Variants in CDH18 observed in about 807,000 individuals in gnomAD.
CDH18 encodes the protein cadherin-18.
CDH18 carries 31 observed loss-of-function variants against 67.9 expected under a neutral mutation model. The ratio of observed to expected loss-of-function variants is 0.46; its 90% CI spans 0.34 to 0.62. The LOEUF is 0.62. Among genes scored for constraint, CDH18 ranks in the 20% least tolerant of loss-of-function variants. The pLI, the probability that CDH18 is intolerant of heterozygous loss-of-function variation, is 0.01. For synonymous variants in CDH18, 362 were observed against 347.2 expected (o/e 1.04, Z -0.48); for missense variants, 890 against 975.5 (o/e 0.91, Z 1.17).
chr5:19,952,421 G>A (rs1055267506), intron 2 of CDH18, among the ~76,000 whole-genome samples: 1 of 152,154 alleles, frequency 6.6e-6, no homozygotes, highest in Non-Finnish European at 1.5e-5. Context: ...AGGTTAGTGA[G>A]TGTTCCAAGA....
At chr5:19,725,745 G>A (rs1474271587) in intron 4 of CDH18, among the ~76,000 whole-genome samples, 1 of 152,046 alleles carries the variant, frequency 6.6e-6, no homozygotes. Flanking sequence ...CTCCGACTTG[G>A]GCAACAACAA....
At chr5:19,759,796 A>G (rs1194369546) in intron 3 of CDH18, among the ~76,000 whole-genome samples, 3 of 152,100 alleles carry the variant, frequency 2.0e-5, no homozygotes, top group Non-Finnish European at 2.9e-5. Context: ...TCGGAAATGT[A>G]GTGGGGGCCC....
chr5:20,023,614 G>T (rs966094670), intron 2 of CDH18, among the ~76,000 whole-genome samples: 2 of 144,338 alleles, frequency 1.4e-5, no homozygotes, highest in African/African-American at 5.2e-5. Context: ...AGCCGAGATC[G>T]CGCCACTGCA....
intron 3 of CDH18, among the ~76,000 whole-genome samples, chr5:19,819,878 G>A (rs1017615927): frequency 2.6e-5 from 4 of 151,996 alleles, no homozygotes; most frequent in African/African-American, 4.8e-5. Flanking sequence ...GGCCCCTCCC[G>A]AGGTCCCTGC....
At chr5:20,277,718 A>G (rs1263800182) in intron 1 of CDH18, among the ~76,000 whole-genome samples, 1 of 152,194 alleles carries the variant, frequency 6.6e-6, no homozygotes, top group Non-Finnish European at 1.5e-5. Flanking sequence ...GACCTTTCAG[A>G]CAGAGAATTC....
intron 3 of CDH18, among the ~76,000 whole-genome samples, chr5:19,778,277 C>T (rs1774635257): frequency 1.3e-5 from 2 of 152,136 alleles, no homozygotes; most frequent in South Asian, 4.1e-4. Context: ...TCCCCGCAGC[C>T]AATATCTGAA....
intron 2 of CDH18, among the ~76,000 whole-genome samples, chr5:20,219,786 TG>T (rs796980254): frequency 6.6e-6 from 1 of 151,818 alleles, no homozygotes; most frequent in African/African-American, 2.4e-5. Flanking sequence ...CATCCCTTCA[TG>T]ATAAAAAAAT....
At chr5:20,426,528 T>C (rs546250718) in intron 1 of CDH18, among the ~76,000 whole-genome samples, 13 of 151,304 alleles carry the variant, frequency 8.6e-5, no homozygotes, top group Non-Finnish European at 1.3e-4. Flanking sequence ...GCTTTCCACT[T>C]TTTAATCCAC....
At chr5:19,921,958 A>T (rs955759627) in intron 2 of CDH18, among the ~76,000 whole-genome samples, 16 of 151,842 alleles carry the variant, frequency 1.1e-4, no homozygotes, top group African/African-American at 3.4e-4. Flanking sequence ...ACCTTTGAAA[A>T]CCTCTGGCCT....
chr5:20,007,128 T>C (rs749616093), intron 2 of CDH18, among the ~76,000 whole-genome samples: 6 of 151,852 alleles, frequency 4.0e-5, no homozygotes, highest in South Asian at 2.1e-4. Flanking sequence ...GCTTTGAATA[T>C]AATTTAAAAA....
At chr5:20,126,846 G>A (rs989466197) in intron 2 of CDH18, among the ~76,000 whole-genome samples, 10 of 152,128 alleles carry the variant, frequency 6.6e-5, no homozygotes, top group African/African-American at 2.2e-4. Context: ...TGAAACTTTT[G>A]TGCACTTTTG....
At chr5:20,487,597 A>T (rs1002569856) in intron 1 of CDH18, among the ~76,000 whole-genome samples, 2 of 151,222 alleles carry the variant, frequency 1.3e-5, no homozygotes, top group Non-Finnish European at 2.9e-5. Flanking sequence ...GGTTTGCTAT[A>T]TCTTAAATAT....
intron 2 of CDH18, among the ~76,000 whole-genome samples, chr5:20,149,516 T>A (rs142056821): frequency 2.0e-3 from 301 of 152,262 alleles, no homozygotes; most frequent in African/African-American, 6.7e-3. Context: ...CTATCAGTTG[T>A]TAGACACTTC....
chr5:20,408,300 C>A (rs983049683), intron 1 of CDH18, among the ~76,000 whole-genome samples: 12 of 151,904 alleles, frequency 7.9e-5, no homozygotes, highest in Admixed American at 7.2e-4. Context: ...TGCCAAAGAG[C>A]AGCATGATAG....
intron 1 of CDH18, among the ~76,000 whole-genome samples, chr5:20,562,652 A>T (rs1480634616): frequency 6.6e-6 from 1 of 151,726 alleles, no homozygotes; most frequent in Non-Finnish European, 1.5e-5. Flanking sequence ...TCTTAAAGGT[A>T]GTATTTGACC....
At chr5:20,418,988 G>C (rs1436319630) in intron 1 of CDH18, among the ~76,000 whole-genome samples, 2 of 151,950 alleles carry the variant, frequency 1.3e-5, no homozygotes, top group Non-Finnish European at 2.9e-5. Context: ...GCGCAAACTA[G>C]ATGAGGGATA....
intron 2 of CDH18, among the ~76,000 whole-genome samples, chr5:20,137,532 C>T (rs796880305): frequency 1.9e-4 from 29 of 152,096 alleles, no homozygotes; most frequent in African/African-American, 6.7e-4. Flanking sequence ...TTCGAAAATC[C>T]TCCTTTAGCT....
At chr5:19,992,662 G>C (rs1250528767), upstream of CDH18, among the ~76,000 whole-genome samples, 2 of 152,044 alleles carry the variant, frequency 1.3e-5, no homozygotes, top group Non-Finnish European at 2.9e-5. Flanking sequence ...GGAGAAAACA[G>C]TGGGACCACC....
intron 3 of CDH18, among the ~76,000 whole-genome samples, chr5:19,754,307 G>C (rs77007133): frequency 8.9e-4 from 135 of 152,156 alleles, no homozygotes; most frequent in Non-Finnish European, 1.7e-3. Context: ...TAAGTAAAGT[G>C]GTGAAAAAAA....
Sources: allele counts gnomAD v4.1 joint callset (sites outside exome capture counted in the v4.1 genomes callset), GRCh38; gene constraint gnomAD v4.1.1; transcripts MANE v1.5; gene names NCBI Gene and HGNC (gene_info 2026-07-23, HGNC 2026-07-21).